The following NRG3 variants were observed in gnomAD, a reference collection of about 807,000 sequenced individuals.
NRG3 encodes pro-neuregulin-3, membrane-bound isoform.
In NRG3, 31 loss-of-function variants were observed where a neutral mutation model predicts 66.9. That is an observed-to-expected ratio of 0.46 (90% CI 0.35 to 0.63). NRG3 has a LOEUF of 0.63. NRG3 is among the 20% of genes least tolerant of loss of function. NRG3 has a pLI of 0.00. For synonymous variants in NRG3, 393 were observed against 359.4 expected (o/e 1.09, Z -1.06); for missense variants, 910 against 878.9 (o/e 1.04, Z -0.45).
rs113566625 is a variant in NRG3 at position 81,984,922 on chromosome 10, C to T, written c.823+108759C>T. Among the ~76,000 whole-genome samples the T allele has an allele frequency of 5.1e-3, 780 of 152,146 alleles. 5 individuals carry two copies. Among genetic ancestry groups the T allele is most frequent in the African/African-American group, 0.017 (721 of 41,528 alleles). On this transcript the variant is annotated intron_variant, in intron 1 of 8. Transcript: ENST00000372141. ...AAAGAAACAGTGAAAAAATACAAAA[C>T]GGTGTTTTCAAAATATGTTTTTCAT...
chr10:82,530,401 AC>A (rs1847134351), intron 2 of NRG3, among the ~76,000 whole-genome samples: 1 of 151,958 alleles, frequency 6.6e-6, no homozygotes, highest in Non-Finnish European at 1.5e-5. Context: ...TTGAAGAAAA[AC>A]TAATGCTTAT....
chr10:82,729,680 C>T (rs950339618), intron 2 of NRG3, among the ~76,000 whole-genome samples: 5 of 152,178 alleles, frequency 3.3e-5, no homozygotes, highest in Admixed American at 2.6e-4. Context: ...GATGTGAGAA[C>T]TCTTTAGCTT....
intron 2 of NRG3, among the ~76,000 whole-genome samples, chr10:82,543,964 T>A (rs914478037): frequency 6.6e-6 from 1 of 152,206 alleles, no homozygotes; most frequent in Non-Finnish European, 1.5e-5. Context: ...AGGGAGTCCA[T>A]AAATTTCAGT....
At chr10:81,998,620 G>T (rs1311649959) in intron 1 of NRG3, among the ~76,000 whole-genome samples, 5 of 152,108 alleles carry the variant, frequency 3.3e-5, no homozygotes, top group African/African-American at 1.2e-4. Flanking sequence ...TGTTGTAAAG[G>T]AATAAATGAT....
At chr10:82,665,593 A>G (rs1469290040) in intron 2 of NRG3, among the ~76,000 whole-genome samples, 1 of 152,146 alleles carries the variant, frequency 6.6e-6, no homozygotes, top group African/African-American at 2.4e-5. Context: ...TAACCTCATA[A>G]GCATCTTTAG....
chr10:82,011,005 T>C (rs1055026872), intron 1 of NRG3, among the ~76,000 whole-genome samples: 4 of 152,200 alleles, frequency 2.6e-5, no homozygotes, highest in Non-Finnish European at 5.9e-5. Context: ...CTGTGTCTTA[T>C]CTGTGTCAAA....
intron 2 of NRG3, among the ~76,000 whole-genome samples, chr10:82,557,413 CT>C (rs1306721841): frequency 6.6e-6 from 1 of 151,826 alleles, no homozygotes; most frequent in Non-Finnish European, 1.5e-5. Flanking sequence ...TTTTCATATG[CT>C]TATTGGCTGC....
chr10:82,215,337 A>T (rs2075611347), intron 1 of NRG3, among the ~76,000 whole-genome samples: 1 of 152,182 alleles, frequency 6.6e-6, no homozygotes, highest in South Asian at 2.1e-4. Context: ...AAATATTCAG[A>T]TGCTATTCTA....
At chr10:82,579,453 C>G (rs1030371030) in intron 2 of NRG3, among the ~76,000 whole-genome samples, 1 of 151,968 alleles carries the variant, frequency 6.6e-6, no homozygotes, top group African/African-American at 2.4e-5. Flanking sequence ...TGTTTGGGCA[C>G]AGATTTGATT....
At chr10:82,902,302 A>T (rs1214464787) in intron 4 of NRG3, among the ~76,000 whole-genome samples, 2 of 152,228 alleles carry the variant, frequency 1.3e-5, no homozygotes, top group Admixed American at 6.5e-5. Flanking sequence ...TCTGGGGAAG[A>T]TTAAAAAGAT....
At chr10:82,591,671 G>A (rs1471536687) in intron 2 of NRG3, among the ~76,000 whole-genome samples, 1 of 152,172 alleles carries the variant, frequency 6.6e-6, no homozygotes, top group Non-Finnish European at 1.5e-5. Flanking sequence ...TAGGCTTAGA[G>A]AGGTTAAGTA....
intron 2 of NRG3, among the ~76,000 whole-genome samples, chr10:82,552,360 T>C (rs2044369877): frequency 6.6e-6 from 1 of 152,114 alleles, no homozygotes; most frequent in South Asian, 2.1e-4. Context: ...TATGAACACA[T>C]GGATTTAAAC....
intron 3 of NRG3, among the ~76,000 whole-genome samples, chr10:82,819,217 A>T (rs535536233): frequency 2.0e-5 from 3 of 152,334 alleles, no homozygotes; most frequent in African/African-American, 7.2e-5. Flanking sequence ...TCTCTGTCTC[A>T]ACTAATGAGT....
chr10:82,291,698 C>G (rs1387830612), intron 1 of NRG3, among the ~76,000 whole-genome samples: 1 of 152,126 alleles, frequency 6.6e-6, no homozygotes, highest in Admixed American at 6.5e-5. Context: ...AAAAGCAATT[C>G]AATGCATGCA....
At chr10:81,878,113 T>C in intron 1 of NRG3, 5 of 1,505,528 alleles carry the variant, frequency 3.3e-6, no homozygotes, top group Middle Eastern at 1.7e-4. Context: ...TTTCTACCCC[T>C]CTATGCTCTC....
At chr10:82,434,065 T>G (rs1193628775) in intron 2 of NRG3, among the ~76,000 whole-genome samples, 1 of 152,234 alleles carries the variant, frequency 6.6e-6, no homozygotes, top group African/African-American at 2.4e-5. Context: ...ACGGTATTGA[T>G]TCTTCCTATC....
At chr10:81,928,718 A>C (rs190780008) in intron 1 of NRG3, among the ~76,000 whole-genome samples, 1 of 152,348 alleles carries the variant, frequency 6.6e-6, no homozygotes, top group African/African-American at 2.4e-5. Flanking sequence ...GTCATGTATA[A>C]TCATAATAAG....
intron 2 of NRG3, among the ~76,000 whole-genome samples, chr10:82,444,885 A>C (rs775817621): frequency 1.4e-4 from 21 of 152,356 alleles, no homozygotes; most frequent in South Asian, 2.1e-4. Flanking sequence ...AAATTACTTA[A>C]TACAGAACCA....
chr10:82,102,105 TGTGTATTCATATATATATATGTGTATTC>T lies in NRG3; in HGVS notation c.823+225943_823+225970del, dbSNP rs1332514530. Among the ~76,000 whole-genome samples, 717 of 109,828 alleles carry T rather than the reference TGTGTATTCATATATATATATGTGTATTC, an allele frequency of 6.5e-3. 21 individuals are homozygous for T. Among genetic ancestry groups the T allele is most frequent in the African/African-American group, 0.015 (401 of 25,880 alleles). The allele number at this position is 109,828 out of a possible 152,430, so 72.1% of individuals were successfully genotyped here. On this transcript the variant is annotated intron_variant, in intron 1 of 8. Transcript: ENST00000372141. ...ATATATGTGTATTCATATATATATA[TGTGTATTCATATATATATATGTGTATTC>T]ATATATATATATATATATATATATA...
Sources: allele counts gnomAD v4.1 joint callset (sites outside exome capture counted in the v4.1 genomes callset), GRCh38; gene constraint gnomAD v4.1.1; transcripts MANE v1.5; gene names NCBI Gene and HGNC (gene_info 2026-07-23, HGNC 2026-07-21).